PTPRT: variants seen among roughly 807,000 people sequenced by gnomAD.
The protein encoded by PTPRT is protein tyrosine phosphatase receptor type T.
A neutral mutation model predicts 176.8 loss-of-function variants in PTPRT; 56 were observed. The ratio of observed to expected loss-of-function variants is 0.32; its 90% CI spans 0.26 to 0.40. PTPRT has a LOEUF of 0.40. PTPRT is among the 10% of genes least tolerant of loss of function. The pLI is 1.00. For synonymous variants in PTPRT, 783 were observed against 739.0 expected (o/e 1.06, Z -0.96); for missense variants, 1,540 against 1,908.2 (o/e 0.81, Z 3.60).
At chr20:42,939,405 T>C (rs1370577739) in intron 1 of PTPRT, among the ~76,000 whole-genome samples, 2 of 152,162 alleles carry the variant, frequency 1.3e-5, no homozygotes, top group African/African-American at 4.8e-5. Context: ...AAGATGGAGA[T>C]TGTATTTCTG....
Position 42,352,075 on chromosome 20 carries a change from C to A in PTPRT, c.1762+9G>T, listed in dbSNP as rs1408876366. 7.4e-6 allele frequency: 12 copies of A among 1,611,618 alleles called. No homozygotes were observed. Among genetic ancestry groups the A allele is most frequent in the Non-Finnish European group, 9.3e-6 (11 of 1,178,342 alleles). Reference sequence around the variant, plus strand: ...ACCTTTTTTCCTTTTTCCTTTCTAGCAGAGATACCTGAAATTTTGGTGGCA... The same window carrying A: ...ACCTTTTTTCCTTTTTCCTTTCTAGAAGAGATACCTGAAATTTTGGTGGCA... On this transcript the variant is annotated intron_variant, in intron 10 of 30. Coordinates refer to ENST00000373187, the MANE Select transcript of PTPRT (RefSeq NM_007050.6).
chr20:42,256,764 CAG>C (rs2146946687), intron 13 of PTPRT, among the ~76,000 whole-genome samples: 1 of 152,274 alleles, frequency 6.6e-6, no homozygotes, highest in South Asian at 2.1e-4. Flanking sequence ...TGGGGAAACT[CAG>C]AGGGTGGTAG....
intron 2 of PTPRT, among the ~76,000 whole-genome samples, chr20:42,840,500 C>T (rs542638865): frequency 1.3e-5 from 2 of 152,232 alleles, no homozygotes; most frequent in Admixed American, 6.5e-5. Context: ...GCAACCTCCG[C>T]CTCCTGGGTT....
At chr20:42,196,134 C>T (rs945760667) in intron 16 of PTPRT, among the ~76,000 whole-genome samples, 2 of 152,118 alleles carry the variant, frequency 1.3e-5, no homozygotes, top group Admixed American at 6.5e-5. Context: ...TTTAAGAGTC[C>T]TCCCAGGGTA....
rs182688659 is a variant in PTPRT, at chr20:42,513,289, G to A, written c.1154-40727C>T. Among the ~76,000 whole-genome samples, 902 of 150,910 alleles carry A rather than the reference G, an allele frequency of 6.0e-3. 7 individuals are homozygous for A. Among genetic ancestry groups the A allele is most frequent in the Non-Finnish European group, 0.011 (721 of 67,684 alleles). ...CAATTACCCCCCTAGCTTCCTTGAAGAAGCCATTGTTTTTCTTAATTTTGT... is the reference window on the plus strand; with the variant it reads ...CAATTACCCCCCTAGCTTCCTTGAAAAAGCCATTGTTTTTCTTAATTTTGT... On this transcript the variant is annotated intron_variant, in intron 7 of 30. Coordinates refer to ENST00000373187, the MANE Select transcript of PTPRT (RefSeq NM_007050.6).
At chr20:42,388,528 C>T (rs2058767019) in intron 9 of PTPRT, among the ~76,000 whole-genome samples, 3 of 152,312 alleles carry the variant, frequency 2.0e-5, no homozygotes, top group Admixed American at 6.5e-5. Context: ...TGAAAAAATG[C>T]TCATCATCAC....
At chr20:42,508,074 T>C (rs1005904383) in intron 7 of PTPRT, among the ~76,000 whole-genome samples, 1 of 149,970 alleles carries the variant, frequency 6.7e-6, no homozygotes, top group Non-Finnish European at 1.5e-5. Flanking sequence ...GAAATAACAA[T>C]GGTTATGTGG....
chr20:43,140,030 G>C (rs946336916), intron 1 of PTPRT, among the ~76,000 whole-genome samples: 6 of 152,154 alleles, frequency 3.9e-5, no homozygotes, highest in Admixed American at 2.6e-4. Context: ...TCCTGTTTCT[G>C]ACCACAGGCC....
At chr20:42,236,030 T>G (rs1418197089) in intron 15 of PTPRT, among the ~76,000 whole-genome samples, 199 bp downstream of exon 15, 1 of 152,096 alleles carries the variant, frequency 6.6e-6, no homozygotes, top group Non-Finnish European at 1.5e-5. Flanking sequence ...TCCAAGATGG[T>G]GGAAACATAA....
At chr20:42,695,868 T>C (rs1600624675) in intron 6 of PTPRT, among the ~76,000 whole-genome samples, 1 of 152,312 alleles carries the variant, frequency 6.6e-6, no homozygotes, top group Admixed American at 6.5e-5. Context: ...CATAAGACCA[T>C]CACTGCTGTG....
chr20:42,647,444 C>A (rs1569052830), intron 7 of PTPRT, among the ~76,000 whole-genome samples: 4 of 152,124 alleles, frequency 2.6e-5, no homozygotes, highest in Admixed American at 2.0e-4. Context: ...GCCCAGAGCT[C>A]CTCTTAATCC....
chr20:43,023,011 A>T (rs1011007217), intron 1 of PTPRT, among the ~76,000 whole-genome samples: 1 of 152,244 alleles, frequency 6.6e-6, no homozygotes, highest in African/African-American at 2.4e-5. Context: ...TAGCAAGGGC[A>T]GGTCCCTCCA....
chr20:42,305,295 G>T, intron 12 of PTPRT, among the ~76,000 whole-genome samples: 1 of 152,042 alleles, frequency 6.6e-6, no homozygotes, highest in Non-Finnish European at 1.5e-5. Context: ...AGGTTGTAGT[G>T]AGCTGAGATC....
intron 17 of PTPRT, among the ~76,000 whole-genome samples, chr20:42,157,676 CCCT>C (rs1989422548): frequency 6.6e-6 from 1 of 152,122 alleles, no homozygotes; most frequent in Non-Finnish European, 1.5e-5. Context: ...TGGCAACTGC[CCCT>C]CCTCCTCATC....
chr20:42,363,105 GAAAAAAA>G (rs71193658), intron 9 of PTPRT, among the ~76,000 whole-genome samples: 1 of 47,210 alleles, frequency 2.1e-5, no homozygotes, highest in South Asian at 1.5e-3. Context: ...CTCCATTTCA[GAAAAAAA>G]AAAAAAAAAA....
chr20:42,523,662 G>A (rs80111422), intron 7 of PTPRT, among the ~76,000 whole-genome samples: 3,176 of 152,230 alleles, frequency 0.021, 81 homozygotes, highest in African/African-American at 0.056. Flanking sequence ...TTAGTACAAT[G>A]ACGTAGACAT....
At chr20:43,029,950 T>C (rs1436683429) in intron 1 of PTPRT, among the ~76,000 whole-genome samples, 1 of 152,230 alleles carries the variant, frequency 6.6e-6, no homozygotes, top group Non-Finnish European at 1.5e-5. Flanking sequence ...CCATGTAAGG[T>C]ATGGCCACAG....
chr20:42,289,828 GTCT>G (rs2057290614), intron 12 of PTPRT, among the ~76,000 whole-genome samples: 1 of 152,044 alleles, frequency 6.6e-6, no homozygotes, highest in South Asian at 2.1e-4. Flanking sequence ...ACGTTTTAAA[GTCT>G]GTTTTCTATG....
intron 7 of PTPRT, among the ~76,000 whole-genome samples, chr20:42,645,190 C>A (rs910138013): frequency 5.9e-5 from 9 of 152,152 alleles, no homozygotes; most frequent in African/African-American, 2.2e-4. Flanking sequence ...AAAACCCTAC[C>A]TGCAGCCTGG....
Sources: gnomAD v4.1 joint callset for allele counts (sites outside exome capture counted in the v4.1 genomes callset) on GRCh38, gnomAD v4.1.1 for gene constraint, MANE v1.5 for transcripts, NCBI Gene and HGNC (gene_info 2026-07-23, HGNC 2026-07-21) for gene names.